The following CPSF7 variants were observed in gnomAD, a reference collection of about 807,000 sequenced individuals.
CPSF7 encodes the protein cleavage and polyadenylation specific factor 7.
Under a neutral mutation model 44.3 loss-of-function variants are expected in CPSF7, and 1 was observed. That is an observed-to-expected ratio of 0.02 (90% confidence interval 0.01 to 0.11). The LOEUF is 0.11. Among genes scored for constraint, CPSF7 ranks in the 10% least tolerant of loss-of-function variants. CPSF7 has a pLI of 1.00. For synonymous variants in CPSF7, 202 were observed against 222.0 expected (o/e 0.91, Z 0.80); for missense variants, 443 against 607.2 (o/e 0.73, Z 2.84).
At chr11:61,420,429 T>C in intron 4 of CPSF7, 41 bp downstream of exon 4, 1 of 1,507,028 alleles carries the variant, frequency 6.6e-7, no homozygotes, top group South Asian at 1.1e-5. Flanking sequence ...TTTATCCCAA[T>C]GGTTACAAAT....
At chr11:61,427,764 A>G (rs141517036) in intron 2 of CPSF7, among the ~76,000 whole-genome samples, 96 of 152,332 alleles carry the variant, frequency 6.3e-4, no homozygotes, top group African/African-American at 2.1e-3. Context: ...ATTAAAAAGT[A>G]TAATTGGTGA....
intron 9 of CPSF7, among the ~76,000 whole-genome samples, chr11:61,409,127 A>C (rs1859607851): frequency 6.6e-6 from 1 of 152,076 alleles, no homozygotes; most frequent in Non-Finnish European, 1.5e-5. Flanking sequence ...CCTGGGTGAC[A>C]GAGTGAGACA....
intron 2 of CPSF7, among the ~76,000 whole-genome samples, chr11:61,423,750 G>C (rs1035216578): frequency 2.0e-5 from 3 of 152,062 alleles, no homozygotes; most frequent in African/African-American, 7.2e-5. Context: ...CCAATATCAC[G>C]GCAATAACTG....
chr11:61,403,818 A>G lies in CPSF7; in HGVS notation c.*892T>C, dbSNP rs754775128. On this transcript the variant is annotated 3_prime_UTR_variant, in exon 10 of 10. Transcript: ENST00000439958. The stretch of plus-strand genomic sequence containing the variant: ...GAGGTCCCAATGTCCCCATCTCCCA[A>G]TGGGCAGTACCTTCCTCTAAAACAA... 8 of 152,508 alleles carry G rather than the reference A, an allele frequency of 5.2e-5. No individual in the cohort carries two copies. The highest frequency in any genetic ancestry group is 1.0e-4 in the Non-Finnish European group (7 of 68,042). The allele number at this position is 152,508 out of a possible 1,614,324, so 9.4% of individuals were successfully genotyped here. A position where few individuals can be genotyped will look rare whatever the true frequency, so the allele number is the denominator to read the frequency against.
At chr11:61,408,775 A>T (rs1196138770) in intron 9 of CPSF7, among the ~76,000 whole-genome samples, 1 of 152,214 alleles carries the variant, frequency 6.6e-6, no homozygotes, top group East Asian at 1.9e-4. Context: ...AGATGCAGAT[A>T]AAGTCTGGAT....
At chr11:61,413,249 C>T (rs2135297594) in intron 7 of CPSF7, among the ~76,000 whole-genome samples, 1 of 152,138 alleles carries the variant, frequency 6.6e-6, no homozygotes, top group African/African-American at 2.4e-5. Context: ...ATGTGTATTT[C>T]TACAAGTTAT....
At chr11:61,410,908 C>G in intron 9 of CPSF7, 30 bp downstream of exon 9, 1 of 1,537,990 alleles carries the variant, frequency 6.5e-7, no homozygotes, top group Non-Finnish European at 8.7e-7. Flanking sequence ...AAAAAATCCC[C>G]CAGCAGCCAG....
intron 8 of CPSF7, 108 bp downstream of exon 8, chr11:61,411,661 T>G: frequency 1.0e-6 from 1 of 997,620 alleles, no homozygotes; most frequent in Non-Finnish European, 1.5e-6. Context: ...ACGTCCAGAC[T>G]TTCGGCCAGG....
chr11:61,422,120 A>G (rs1860938013), intron 2 of CPSF7, among the ~76,000 whole-genome samples: 1 of 152,244 alleles, frequency 6.6e-6, no homozygotes, highest in African/African-American at 2.4e-5. Context: ...ATTGGGAGTT[A>G]CTGATTTAAA....
chr11:61,414,006 A>T (rs1384345531), intron 7 of CPSF7, among the ~76,000 whole-genome samples: 1 of 152,194 alleles, frequency 6.6e-6, no homozygotes, highest in Non-Finnish European at 1.5e-5. Context: ...GAACAACAGG[A>T]GATCAAGATT....
intron 2 of CPSF7, among the ~76,000 whole-genome samples, chr11:61,427,481 C>T (rs74623947): frequency 2.0e-5 from 3 of 151,876 alleles, no homozygotes; most frequent in South Asian, 2.1e-4. Flanking sequence ...GGTGAAACCC[C>T]GTCTCTACTA....
At chr11:61,429,025 G>A (rs1237510014) in intron 2 of CPSF7, 157 bp downstream of exon 2, 3 of 540,248 alleles carry the variant, frequency 5.6e-6, no homozygotes, top group Non-Finnish European at 1.0e-5. Context: ...AAGAGGAATG[G>A]AGTGTAGTCT....
chr11:61,416,506 C>T lies in CPSF7; in HGVS notation c.537G>A (p.Arg179=). ...AATCACTAGAATCTCGGGAATGGGCCCGTGGAGGTATTCCTATGAAGCAAA... is the reference window on the plus strand; with the variant it reads ...AATCACTAGAATCTCGGGAATGGGCTCGTGGAGGTATTCCTATGAAGCAAA... The part of the protein sequence containing the change: ...EAQARKRIPP[R]AHSRDSSDSA... Residue 179 remains arginine (R), a synonymous_variant, in exon 6 of 10, where the codon CGG becomes CGA. Transcript: ENST00000439958. 1.9e-6 allele frequency: 3 copies of T among 1,613,972 alleles called. No individual in the cohort carries two copies. Among genetic ancestry groups the T allele is most frequent in the Non-Finnish European group, 2.5e-6 (3 of 1,179,984 alleles).
chr11:61,419,855 G>A (rs1860701411), intron 5 of CPSF7, 94 bp downstream of exon 5: 2 of 1,496,344 alleles, frequency 1.3e-6, no homozygotes, highest in Non-Finnish European at 9.0e-7. Context: ...CACACTGTAG[G>A]CTAAGCCTAC....
chr11:61,420,717 T>C (rs1183469056), intron 3 of CPSF7, 144 bp from the exon 4 acceptor site: 3 of 638,996 alleles, frequency 4.7e-6, no homozygotes, highest in African/African-American at 1.8e-5. Flanking sequence ...GTGCAGACTT[T>C]TCTTATTGTC....
chr11:61,418,725 T>C (rs564828657), intron 5 of CPSF7, among the ~76,000 whole-genome samples: 5 of 130,322 alleles, frequency 3.8e-5, no homozygotes, highest in African/African-American at 1.9e-4. Flanking sequence ...TTCTTTTTTC[T>C]TTTTTTTTTT....
At chr11:61,409,386 G>C (rs1859644680) in intron 9 of CPSF7, among the ~76,000 whole-genome samples, 2 of 151,620 alleles carry the variant, frequency 1.3e-5, no homozygotes, top group African/African-American at 4.8e-5. Context: ...GCAGAGAATT[G>C]CTTGAACCCG....
intron 8 of CPSF7, among the ~76,000 whole-genome samples, chr11:61,411,409 G>T (rs1438683721): frequency 3.3e-5 from 5 of 152,154 alleles, no homozygotes; most frequent in Non-Finnish European, 5.9e-5. Flanking sequence ...TTTAGAAAAT[G>T]AGAAAAATAA....
rs747254734 is a variant in CPSF7, at chr11:61,429,254, G to T, written c.-19C>A. On this transcript the variant is annotated 5_prime_UTR_variant, in exon 2 of 10. Transcript: ENST00000439958. The stretch of plus-strand genomic sequence containing the variant: ...CTGACATGGCTCCGGAAGGAAGATC[G>T]CGAGTCCGGAGGATGGACAAAGTAA... 6 of 1,613,254 alleles carry T rather than the reference G, an allele frequency of 3.7e-6. No homozygotes were observed. The highest frequency in any genetic ancestry group is 4.2e-6 in the Non-Finnish European group (5 of 1,179,376).
Sources: gnomAD v4.1 joint callset for allele counts (sites outside exome capture counted in the v4.1 genomes callset) on GRCh38, gnomAD v4.1.1 for gene constraint, MANE v1.5 for transcripts, NCBI Gene and HGNC (gene_info 2026-07-23, HGNC 2026-07-21) for gene names.